BPI: variants seen among roughly 807,000 people sequenced by gnomAD.
BPI encodes the protein bactericidal permeability-increasing protein.
BPI carries 48 observed loss-of-function variants against 57.6 expected under a neutral mutation model. That is an observed-to-expected ratio of 0.83 (90% confidence interval 0.66 to 1.06). The LOEUF (loss-of-function observed/expected upper bound fraction) is 1.06, where lower values mean the gene tolerates loss of function less well. BPI is among the 50% of genes least tolerant of loss of function. The pLI is 0.00. For missense variants in BPI, 651 were observed against 609.7 expected, an observed-to-expected ratio of 1.07 and a Z score of -0.71; for synonymous variants, 237 against 238.2, an observed-to-expected ratio of 0.99 and a Z score of 0.05.
intron 7 of BPI, among the ~76,000 whole-genome samples, chr20:38,323,083 A>T (rs1256721696): frequency 1.3e-5 from 2 of 152,180 alleles, no homozygotes; most frequent in African/African-American, 4.8e-5. Context: ...TTTTAAAAAA[A>T]TTTAAAAAAC....
At position 38,326,365 on chromosome 20, in the gene BPI, C is replaced by G; in HGVS notation, c.1094C>G (p.Ala365Gly). 3 of 1,614,182 alleles carry G rather than the reference C, an allele frequency of 1.9e-6. No homozygotes were observed. Among genetic ancestry groups the G allele is most frequent in the Non-Finnish European group, 2.5e-6 (3 of 1,180,022 alleles). The change falls in exon 10 of 15, where the codon GCC (alanine) becomes GGC (glycine). Residue 365 changes from alanine to glycine, a missense_variant. Ala to Gly is a moderately conservative substitution (Grantham distance 60). Transcript: ENST00000642449. The stretch of plus-strand genomic sequence containing the variant: ...CCCACCGGCCTTACCTTCTACCCTG[C>G]CGTGGATGTCCAGGCCTTTGCCGTC... ...VQPTGLTFYP[A>G]VDVQAFAVLP... is the part of the protein sequence containing the mutation.
In BPI at chr20:38,323,923, G is replaced by A. The variant is rs747996520; in HGVS notation, c.810G>A (p.Val270=). Residue 270 remains valine (V), a synonymous_variant, in exon 8 of 15, where the codon GTG becomes GTA. Transcript: ENST00000642449. ...ATCCACCTCCCTTTGCTCCACCAGT[G>A]ATGGAGTTTCCCGCTGCCCATGACC... ...HHNPPPFAPP[V]MEFPAAHDRM... is the part of the protein sequence containing the mutation. 3.1e-6 allele frequency: 5 copies of A among 1,614,192 alleles called. No individual in the cohort carries two copies. Among genetic ancestry groups the A allele is most frequent in the Non-Finnish European group, 4.2e-6 (5 of 1,180,040 alleles).
rs1014829641 is a variant in BPI at position 38,308,821 on chromosome 20, T to G, written c.246-109T>G. ...TGGGCTCCTCCTGGAATGGATGGAG[T>G]GAAGGACCAGGTGGTGGGGGACGAG... On this transcript the variant is annotated intron_variant, in intron 2 of 14. Coordinates refer to ENST00000642449, the MANE Select transcript of BPI (RefSeq NM_001725.3). The G allele has an allele frequency of 2.8e-6, 4 of 1,416,164 alleles. No individual in the cohort carries two copies. In the African/African-American group the frequency reaches 5.7e-5, roughly 20 times the overall value. The allele number at this position is 1,416,164 out of a possible 1,614,324, so 87.7% of individuals were successfully genotyped here. A position where few individuals can be genotyped will look rare whatever the true frequency, so the allele number is the denominator to read the frequency against.
intron 1 of BPI, among the ~76,000 whole-genome samples, chr20:38,305,920 T>C (rs6069672): frequency 0.47 from 71,172 of 152,110 alleles, 17,065 homozygotes; most frequent in African/African-American, 0.49. Flanking sequence ...TACTACTTAC[T>C]CCTTTTCAGG....
At chr20:38,334,131 A>T (rs2076755363) in intron 12 of BPI, among the ~76,000 whole-genome samples, 1 of 152,182 alleles carries the variant, frequency 6.6e-6, no homozygotes, top group Non-Finnish European at 1.5e-5. Context: ...TCCCATTTAA[A>T]TACTCTCTGA....
intron 11 of BPI, among the ~76,000 whole-genome samples, chr20:38,329,837 C>T (rs559441242): frequency 1.3e-5 from 2 of 152,106 alleles, no homozygotes; most frequent in African/African-American, 4.8e-5. Flanking sequence ...CTCAGCCTCC[C>T]GTGTAGCTGG....
intron 10 of BPI, among the ~76,000 whole-genome samples, chr20:38,326,790 AATTC>A (rs1309330329): frequency 1.3e-5 from 2 of 152,278 alleles, no homozygotes; most frequent in East Asian, 1.9e-4. Flanking sequence ...TTCAATTATT[AATTC>A]ATTCAGTTAT....
At chr20:38,331,139 G>A (rs780979626) in intron 12 of BPI, 49 bp downstream of exon 12, 47 of 1,579,236 alleles carry the variant, frequency 3.0e-5, no homozygotes, top group East Asian at 6.7e-5. Flanking sequence ...ACCTGGCGGC[G>A]GGGAGGGGGA....
chr20:38,313,069 A>G (rs879805504), intron 5 of BPI, among the ~76,000 whole-genome samples: 2 of 152,046 alleles, frequency 1.3e-5, no homozygotes, highest in Non-Finnish European at 2.9e-5. Context: ...CCTTCTTGAA[A>G]CTCAGTTTTA....
At chr20:38,322,683 T>C (rs2076692542) in intron 7 of BPI, among the ~76,000 whole-genome samples, 2 of 152,208 alleles carry the variant, frequency 1.3e-5, no homozygotes, top group African/African-American at 4.8e-5. Context: ...CGACCTCCAC[T>C]CATTGCAACC....
intron 12 of BPI, among the ~76,000 whole-genome samples, chr20:38,332,884 G>T (rs2076749275): frequency 6.6e-6 from 1 of 152,150 alleles, no homozygotes; most frequent in African/African-American, 2.4e-5. Flanking sequence ...CACCTGCCCT[G>T]TGTCTAACGT....
intron 7 of BPI, chr20:38,321,873 G>C (rs891175786): frequency 2.0e-5 from 3 of 150,108 alleles, no homozygotes; most frequent in Non-Finnish European, 3.0e-5. Flanking sequence ...GAGAGAGAGA[G>C]AGACAGAAAC....
chr20:38,327,711 G>C (rs2076720870), intron 11 of BPI, 56 bp downstream of exon 11: 1 of 1,573,454 alleles, frequency 6.4e-7, no homozygotes, highest in African/African-American at 1.4e-5. Flanking sequence ...GGTGTCTGTG[G>C]GATGACAGTG....
In BPI at chr20:38,329,875, G is replaced by A. The variant is rs149383469; in HGVS notation, c.1230-1173G>A. Among the ~76,000 whole-genome samples, 589 of 152,098 alleles carry A rather than the reference G, an allele frequency of 3.9e-3. 5 individuals carry two copies. The highest frequency in any genetic ancestry group is 0.013 in the African/African-American group (553 of 41,448). On this transcript the variant is annotated intron_variant, in intron 11 of 14. Transcript: ENST00000642449. ...CTACAGGTGCGCACCACCACACCTG[G>A]CTAATTTTTGTATTTTTAGTAGAGA...
At chr20:38,310,395 G>T (rs1433384763) in intron 3 of BPI, 96 bp from the exon 4 acceptor site, 1 of 1,438,032 alleles carries the variant, frequency 7.0e-7, no homozygotes, top group East Asian at 2.3e-5. Flanking sequence ...CCTGGAGTGG[G>T]GATAATAACA....
At chr20:38,304,920 A>T (rs763017894) in intron 1 of BPI, among the ~76,000 whole-genome samples, 3 of 152,168 alleles carry the variant, frequency 2.0e-5, no homozygotes, top group Non-Finnish European at 4.4e-5. Context: ...CTTTACACAC[A>T]CAGTCTCTTT....
intron 7 of BPI, among the ~76,000 whole-genome samples, chr20:38,320,697 C>CACACACACAG (rs1389781489): frequency 6.6e-6 from 1 of 151,264 alleles, no homozygotes; most frequent in Non-Finnish European, 1.5e-5. Flanking sequence ...CACACACACA[C>CACACACACAG]AGAGTCTCTA....
rs949417474 is a variant in BPI at position 38,324,796 on chromosome 20, G to C, written c.956G>C (p.Arg319Pro). The change falls in exon 9 of 15, where the codon CGA (arginine) becomes CCA (proline). Residue 319 changes from arginine to proline, a missense_variant. Physicochemically the swap from Arg to Pro is moderately radical, Grantham distance 103 (BLOSUM62 -2). Transcript: ENST00000642449. ...CAGATTCCAAAGGAGTCCAAATTTC[G>C]ACTGACAACCAAGTTCTTTGGAACC... ...DDMIPKESKF[R>P]LTTKFFGTFL... The C allele has an allele frequency of 6.2e-7, 1 of 1,613,256 alleles. No homozygotes were observed. The highest frequency in any genetic ancestry group is 1.3e-5 in the African/African-American group (1 of 74,922).
chr20:38,322,933 A>G (rs1472774316), intron 7 of BPI, among the ~76,000 whole-genome samples: 1 of 152,196 alleles, frequency 6.6e-6, no homozygotes, highest in Non-Finnish European at 1.5e-5. Flanking sequence ...TAAGAGTTGC[A>G]TGTATTCCAT....
Sources: gnomAD v4.1 joint callset for allele counts (sites outside exome capture counted in the v4.1 genomes callset) on GRCh38, gnomAD v4.1.1 for gene constraint, MANE v1.5 for transcripts, NCBI Gene and HGNC (gene_info 2026-07-23, HGNC 2026-07-21) for gene names.